The following MEF2A variants were observed in gnomAD, a reference collection of about 807,000 sequenced individuals.
The protein encoded by MEF2A is myocyte enhancer factor 2A.
A neutral mutation model predicts 55.8 loss-of-function variants in MEF2A; 28 were observed. That is an observed-to-expected ratio of 0.50 (90% CI 0.37 to 0.69). The LOEUF (loss-of-function observed/expected upper bound fraction) is 0.69. Ranked by LOEUF, MEF2A falls within the 30% of genes least tolerant of loss-of-function variation. The pLI is 0.00. For synonymous variants in MEF2A, 239 were observed against 227.1 expected, an observed-to-expected ratio of 1.05 and a Z score of -0.47; for missense variants, 528 against 626.2, an observed-to-expected ratio of 0.84 and a Z score of 1.67.
chr15:99,676,013 C>T (rs1358549910), intron 7 of MEF2A, among the ~76,000 whole-genome samples: 1 of 150,234 alleles, frequency 6.7e-6, no homozygotes, highest in African/African-American at 2.5e-5. Context: ...GCACTCCAGC[C>T]TGGGCGATAG....
Position 99,638,551 on chromosome 15 carries a change from G to A in MEF2A, c.54+5378G>A, listed in dbSNP as rs143786022. On this transcript the variant is annotated intron_variant, in intron 3 of 11. Transcript: ENST00000557942. ...TTTCTAGCAATCTATTTTCTAGTAA[G>A]CCTTTCTCCTGCTTTTTAAAATTAA... is the stretch of plus-strand genomic sequence containing the variant. Among the ~76,000 whole-genome samples the A allele has an allele frequency of 1.4e-4, 21 of 152,102 alleles. 1 individual carries two copies. In the East Asian group the frequency reaches 4.1e-3, roughly 29 times the overall value.
chr15:99,635,581 C>G (rs907731819), intron 3 of MEF2A, among the ~76,000 whole-genome samples: 5 of 152,186 alleles, frequency 3.3e-5, no homozygotes, highest in African/African-American at 1.2e-4. Context: ...GAGAGGCACT[C>G]TATCCTGTCT....
Position 99,716,357 on chromosome 15 carries a change from G to T in MEF2A, c.*3586G>T. ...TTAATCTCAATTTTTCCCTGAATGT[G>T]TTGTTTTTCTTCATTATACAATAAA... On this transcript the variant is annotated 3_prime_UTR_variant, in exon 12 of 12. Transcript: ENST00000557942. 2.8e-6 allele frequency: 1 copy of T among 356,034 alleles called. No homozygotes were observed. The highest frequency in any genetic ancestry group is 3.7e-5 in the Admixed American group (1 of 26,990). 22.1% of individuals were successfully genotyped at this position (356,034 alleles called of 1,614,324 possible). A position where few individuals can be genotyped will look rare whatever the true frequency, so the allele number is the denominator to read the frequency against.
chr15:99,709,943 A>T (rs1329111479), intron 10 of MEF2A, among the ~76,000 whole-genome samples: 1 of 152,166 alleles, frequency 6.6e-6, no homozygotes, highest in Admixed American at 6.5e-5. Flanking sequence ...CCATGTAGGG[A>T]TTCTGTCTTT....
chr15:99,658,281 G>A (rs762110754), intron 4 of MEF2A, among the ~76,000 whole-genome samples: 52 of 152,210 alleles, frequency 3.4e-4, no homozygotes, highest in Middle Eastern at 3.4e-3. Context: ...GAAAAAATAC[G>A]ATGACCAAAA....
In MEF2A at chr15:99,641,489, C is replaced by T. The variant is rs1207996054; in HGVS notation, c.55-4072C>T. On this transcript the variant is annotated intron_variant, in intron 3 of 11. Transcript: ENST00000557942. Reference sequence around the variant, plus strand: ...CTGTAATCCCAGCACTTTGGGAGGCCGAGGCGGGCGGATCACGAGGTCAGG... The same window carrying T: ...CTGTAATCCCAGCACTTTGGGAGGCTGAGGCGGGCGGATCACGAGGTCAGG... Among the ~76,000 whole-genome samples, 8 of 152,150 alleles carry T rather than the reference C, an allele frequency of 5.3e-5. No individual in the cohort carries two copies. In the South Asian group the frequency reaches 1.0e-3, roughly 20 times the overall value.
In MEF2A at chr15:99,671,342, T is replaced by C; in HGVS notation, c.278T>C (p.Leu93Pro). 1 of 1,611,398 alleles carries C rather than the reference T, an allele frequency of 6.2e-7. No homozygotes were observed. The highest frequency in any genetic ancestry group is 8.5e-7 in the Non-Finnish European group (1 of 1,177,820). ...DIVETLRKKG[L>P]NGCESPDADD... ...TTTCAGACTTTAAGAAAGAAAGGCC[T>C]TAATGGTTGTGAGAGCCCTGATGCT... The change falls in exon 5 of 12, where the codon CTT (leucine) becomes CCT (proline). Residue 93 changes from leucine to proline, a missense_variant. Physicochemically the swap from Leu to Pro is moderately conservative, Grantham distance 98. Around this residue, in one of 2 missense-constraint regions of MEF2A, gnomAD observed 78 missense variants for 150.9 expected, o/e 0.52. Coordinates refer to ENST00000557942, the MANE Select transcript of MEF2A (RefSeq NM_001319206.4).
chr15:99,619,608 A>C (rs1355639107), intron 2 of MEF2A, among the ~76,000 whole-genome samples: 1 of 152,212 alleles, frequency 6.6e-6, no homozygotes, highest in Non-Finnish European at 1.5e-5. Context: ...TTTTGTTTTC[A>C]GATCATAAAT....
intron 3 of MEF2A, among the ~76,000 whole-genome samples, chr15:99,641,671 C>T (rs911964966): frequency 8.6e-5 from 13 of 151,922 alleles, no homozygotes; most frequent in Non-Finnish European, 1.8e-4. Context: ...TGCAGTGAGT[C>T]GAGATCGTGC....
At chr15:99,680,479 A>G (rs1208096435) in intron 7 of MEF2A, among the ~76,000 whole-genome samples, 2 of 152,194 alleles carry the variant, frequency 1.3e-5, no homozygotes, top group Non-Finnish European at 2.9e-5. Context: ...ATTAGTAACA[A>G]TCTTTCTGGA....
At chr15:99,610,172 A>G (rs1358580526) in intron 2 of MEF2A, among the ~76,000 whole-genome samples, 1 of 152,144 alleles carries the variant, frequency 6.6e-6, no homozygotes, top group Non-Finnish European at 1.5e-5. Context: ...TATGAAAATT[A>G]TATTTATAGT....
At chr15:99,595,263 A>G (rs920626735) in intron 1 of MEF2A, among the ~76,000 whole-genome samples, 1 of 152,186 alleles carries the variant, frequency 6.6e-6, no homozygotes, top group Non-Finnish European at 1.5e-5. Flanking sequence ...TAAATACTCA[A>G]GTATTACTGC....
intron 3 of MEF2A, among the ~76,000 whole-genome samples, chr15:99,636,274 G>A (rs2043818598): frequency 6.6e-6 from 1 of 152,042 alleles, no homozygotes; most frequent in Admixed American, 6.5e-5. Context: ...TATATAATCA[G>A]GTGAGTGTTT....
intron 4 of MEF2A, among the ~76,000 whole-genome samples, chr15:99,656,457 G>T (rs1463996916): frequency 6.6e-6 from 1 of 152,070 alleles, no homozygotes; most frequent in Non-Finnish European, 1.5e-5. Context: ...GCTCAATGAG[G>T]CATCTTAGTA....
intron 8 of MEF2A, among the ~76,000 whole-genome samples, chr15:99,694,994 T>C (rs570054789): frequency 1.1e-3 from 152 of 134,586 alleles, no homozygotes; most frequent in Admixed American, 3.9e-3. Context: ...TTTTTTTTTT[T>C]CAGGGGGAGC....
chr15:99,695,146 C>T (rs2087217521), intron 8 of MEF2A, among the ~76,000 whole-genome samples: 1 of 151,576 alleles, frequency 6.6e-6, no homozygotes, highest in Admixed American at 6.6e-5. Context: ...AGTGCTTTCC[C>T]TCTTTTTAAT....
upstream of MEF2A, chr15:99,565,722 T>C (rs1365014622): frequency 1.3e-5 from 2 of 152,368 alleles, no homozygotes; most frequent in African/African-American, 4.8e-5. Context: ...CACGTCCTTG[T>C]GGAATAGCGC....
chr15:99,618,239 T>C (rs12912791), intron 2 of MEF2A, among the ~76,000 whole-genome samples: 33,589 of 152,106 alleles, frequency 0.22, 4,209 homozygotes, highest in African/African-American at 0.33. Flanking sequence ...GAATCACTTG[T>C]GTAGTATTTT....
chr15:99,590,664 T>C (rs1968954783), intron 1 of MEF2A, among the ~76,000 whole-genome samples: 1 of 151,892 alleles, frequency 6.6e-6, no homozygotes, highest in African/African-American at 2.4e-5. Context: ...ATGTATTTGG[T>C]AGTTGCCGTA....
Sources: gnomAD v4.1 joint callset for allele counts (sites outside exome capture counted in the v4.1 genomes callset) on GRCh38, gnomAD v4.1.1 for gene constraint, gnomAD v4.1.1 regional missense constraint, MANE v1.5 for transcripts, NCBI Gene and HGNC (gene_info 2026-07-23, HGNC 2026-07-21) for gene names.